Variants in TENM2 observed in about 807,000 individuals in gnomAD.
TENM2 encodes teneurin transmembrane protein 2.
Under a neutral mutation model 245.2 loss-of-function variants are expected in TENM2, and 52 were observed. The ratio of observed to expected loss-of-function variants is 0.21; its 90% CI spans 0.17 to 0.27. The LOEUF (loss-of-function observed/expected upper bound fraction) is 0.27, where lower values mean the gene tolerates loss of function less well. Ranked by LOEUF, TENM2 falls within the 10% of genes least tolerant of loss-of-function variation. The pLI is 1.00. For synonymous variants in TENM2, 1,363 were observed against 1,438.9 expected (o/e 0.95, Z 1.19); for missense variants, 3,046 against 3,666.8 (o/e 0.83, Z 4.37).
intron 2 of TENM2, among the ~76,000 whole-genome samples, chr5:167,722,051 A>G (rs1341648991): frequency 3.9e-5 from 6 of 152,216 alleles, no homozygotes; most frequent in Non-Finnish European, 5.9e-5. Flanking sequence ...CCCAGGGCCA[A>G]TGATGGCTGG....
chr5:167,281,204 G>A (rs1771043029), upstream of TENM2, among the ~76,000 whole-genome samples: 2 of 151,152 alleles, frequency 1.3e-5, no homozygotes, highest in Admixed American at 6.6e-5. Flanking sequence ...CGCTTTCCGG[G>A]TTCAAGCAAT....
intron 2 of TENM2, among the ~76,000 whole-genome samples, chr5:167,431,330 CA>C (rs1249946394): frequency 1.3e-5 from 2 of 151,992 alleles, no homozygotes; most frequent in African/African-American, 4.8e-5. Context: ...TTAGTTCCCC[CA>C]TATTTAGGTT....
intron 1 of TENM2, among the ~76,000 whole-genome samples, chr5:167,315,091 A>G (rs1016947645): frequency 5.3e-5 from 8 of 152,080 alleles, no homozygotes; most frequent in African/African-American, 1.9e-4. Flanking sequence ...CATTCAAGAA[A>G]CATTTTCATA....
chr5:167,768,753 A>G (rs916507673), intron 2 of TENM2, among the ~76,000 whole-genome samples: 1 of 152,144 alleles, frequency 6.6e-6, no homozygotes, highest in Non-Finnish European at 1.5e-5. Context: ...CTTTCTCATG[A>G]GATTCTTGTG....
chr5:167,700,729 G>A (rs1253899542), intron 2 of TENM2, among the ~76,000 whole-genome samples: 1 of 152,092 alleles, frequency 6.6e-6, no homozygotes, highest in Non-Finnish European at 1.5e-5. Context: ...CTCAAAGCCA[G>A]CAGTTAATGA....
chr5:167,531,051 G>A (rs1183134465), intron 2 of TENM2, among the ~76,000 whole-genome samples: 1 of 152,200 alleles, frequency 6.6e-6, no homozygotes, highest in Non-Finnish European at 1.5e-5. Context: ...TCAAATGAAT[G>A]ACACCGGGGT....
At chr5:167,189,613 G>T in the TENM2 span, among the ~76,000 whole-genome samples, 6 of 151,132 alleles carry the variant, frequency 4.0e-5, no homozygotes, top group Admixed American at 2.0e-4. Context: ...CTGTCACCCA[G>T]GCTGGAGTGC....
intron 2 of TENM2, among the ~76,000 whole-genome samples, chr5:167,669,516 G>C (rs888057055): frequency 3.3e-5 from 5 of 151,968 alleles, no homozygotes; most frequent in African/African-American, 1.2e-4. Context: ...TGAGCACAAA[G>C]AATGAGCTTA....
chr5:168,238,213 G>GAAGAAAAGAAAA (rs1491309340), intron 25 of TENM2, among the ~76,000 whole-genome samples: 3 of 40,748 alleles, frequency 7.4e-5, no homozygotes, highest in Admixed American at 3.9e-4. Flanking sequence ...GAGGGAGGGA[G>GAAGAAAAGAAAA]GGAGAGAGAA....
intron 2 of TENM2, among the ~76,000 whole-genome samples, chr5:167,652,524 A>C (rs1432621076): frequency 6.6e-6 from 1 of 152,076 alleles, no homozygotes; most frequent in East Asian, 1.9e-4. Flanking sequence ...TCCCCCTTGA[A>C]TCATCCCCCT....
At chr5:167,466,807 A>G (rs1357292283) in intron 2 of TENM2, among the ~76,000 whole-genome samples, 1 of 152,050 alleles carries the variant, frequency 6.6e-6, no homozygotes, top group African/African-American at 2.4e-5. Context: ...TAGTTTGTAA[A>G]CTGTTACTAA....
At chr5:168,118,801 A>G (rs1293597674) in intron 10 of TENM2, among the ~76,000 whole-genome samples, 1 of 142,164 alleles carries the variant, frequency 7.0e-6, no homozygotes, top group Non-Finnish European at 1.6e-5. Flanking sequence ...CTTTCCTTCT[A>G]CTCCTCCTCC....
chr5:167,864,334 G>C (rs1163604438), intron 2 of TENM2, among the ~76,000 whole-genome samples: 1 of 152,180 alleles, frequency 6.6e-6, no homozygotes, highest in Non-Finnish European at 1.5e-5. Context: ...TTTCATCTAT[G>C]TTATTATTTA....
chr5:166,979,235 A>AGCAGCAGCC, the TENM2 span, among the ~76,000 whole-genome samples: 3 of 142,846 alleles, frequency 2.1e-5, no homozygotes, highest in African/African-American at 7.5e-5. Flanking sequence ...CAGCAGCAGC[A>AGCAGCAGCC]GCCGCCGCGG....
At chr5:167,565,618 A>G (rs1773856878) in intron 2 of TENM2, among the ~76,000 whole-genome samples, 1 of 152,212 alleles carries the variant, frequency 6.6e-6, no homozygotes, top group Non-Finnish European at 1.5e-5. Flanking sequence ...CTGCCTTTAT[A>G]AATATGCTAA....
At chr5:167,215,112 C>G in the TENM2 span, among the ~76,000 whole-genome samples, 1 of 152,190 alleles carries the variant, frequency 6.6e-6, no homozygotes, top group African/African-American at 2.4e-5. Context: ...CCATCTCTAT[C>G]TGCCCTTCAA....
chr5:167,798,035 C>T (rs1357908067), intron 2 of TENM2, among the ~76,000 whole-genome samples: 1 of 152,234 alleles, frequency 6.6e-6, no homozygotes, highest in East Asian at 1.9e-4. Context: ...ATTCCAGAAA[C>T]TATGCAAAGT....
At chr5:167,170,917 CTT>C in the TENM2 span, among the ~76,000 whole-genome samples, 14 of 146,148 alleles carry the variant, frequency 9.6e-5, no homozygotes, top group South Asian at 2.7e-3. Flanking sequence ...TCCTAAAACT[CTT>C]TTTTCATTTG....
chr5:167,021,265 A>G, the TENM2 span, among the ~76,000 whole-genome samples: 1 of 152,230 alleles, frequency 6.6e-6, no homozygotes, highest in Non-Finnish European at 1.5e-5. Flanking sequence ...GTAAGTAAGA[A>G]AAAAAATGAC....
Sources: gnomAD v4.1 joint callset for allele counts (sites outside exome capture counted in the v4.1 genomes callset) on GRCh38, gnomAD v4.1.1 for gene constraint, MANE v1.5 for transcripts, NCBI Gene and HGNC (gene_info 2026-07-23, HGNC 2026-07-21) for gene names.